ZNF804B: variants seen among roughly 807,000 people sequenced by gnomAD.
ZNF804B encodes zinc finger protein 804B.
A neutral mutation model predicts 101.4 loss-of-function variants in ZNF804B; 80 were observed. The observed-to-expected ratio is 0.79, with a 90% CI of 0.66 to 0.95. The LOEUF is 0.95. Among genes scored for constraint, ZNF804B ranks in the 40% least tolerant of loss-of-function variants. The pLI, the probability that ZNF804B is intolerant of heterozygous loss-of-function variation, is 0.00. For missense variants in ZNF804B, 1,673 were observed against 1,561.9 expected (o/e 1.07, Z -1.20); for synonymous variants, 622 against 558.8 (o/e 1.11, Z -1.59).
chr7:89,017,423 A>G (rs1369161290), intron 1 of ZNF804B, among the ~76,000 whole-genome samples: 1 of 152,218 alleles, frequency 6.6e-6, no homozygotes, highest in African/African-American at 2.4e-5. Flanking sequence ...CCAGTTTTCA[A>G]AGGGAATGCT....
intron 2 of ZNF804B, among the ~76,000 whole-genome samples, chr7:89,295,860 G>T (rs1790374090): frequency 6.6e-6 from 1 of 152,090 alleles, no homozygotes; most frequent in Admixed American, 6.6e-5. Context: ...CAGCAATGTG[G>T]ATGGAGCTGG....
At chr7:88,791,822 C>T (rs1790386552) in intron 1 of ZNF804B, among the ~76,000 whole-genome samples, 1 of 152,078 alleles carries the variant, frequency 6.6e-6, no homozygotes, top group Non-Finnish European at 1.5e-5. Context: ...TTCACCCAAA[C>T]CTTAGTGGTT....
At chr7:89,110,495 CAG>C (rs1790201050) in intron 1 of ZNF804B, among the ~76,000 whole-genome samples, 1 of 152,126 alleles carries the variant, frequency 6.6e-6, no homozygotes, top group South Asian at 2.1e-4. Context: ...TCAGCATGAA[CAG>C]AGTTAAGGAG....
At chr7:89,169,561 C>T in intron 1 of ZNF804B, among the ~76,000 whole-genome samples, 1 of 152,092 alleles carries the variant, frequency 6.6e-6, no homozygotes, top group East Asian at 1.9e-4. Context: ...TCCAGCTAGT[C>T]CTGTCTCTCA....
At chr7:89,159,146 G>A (rs1362775323) in intron 1 of ZNF804B, among the ~76,000 whole-genome samples, 1 of 152,000 alleles carries the variant, frequency 6.6e-6, no homozygotes, top group Non-Finnish European at 1.5e-5. Context: ...ATGATTCTTT[G>A]TACAAAAAAG....
In ZNF804B at chr7:89,138,893, A is replaced by C. The variant is rs13221676; in HGVS notation, c.109-79262A>C. Reference sequence around the variant, plus strand: ...CCATGATTGTGAGGCTTCCCCAGCCACATGGAACTATAAGTTTAATTAAAT... The same window carrying C: ...CCATGATTGTGAGGCTTCCCCAGCCCCATGGAACTATAAGTTTAATTAAAT... On this transcript the variant is annotated intron_variant, in intron 1 of 3. Coordinates refer to ENST00000333190, the MANE Select transcript of ZNF804B (RefSeq NM_181646.5). Among the ~76,000 whole-genome samples, 10 of 152,260 alleles carry C rather than the reference A, an allele frequency of 6.6e-5. No homozygotes were observed. The East Asian group carries it at 1.7e-3, about 27-fold the overall frequency.
At chr7:88,815,550 C>A (rs922154091) in intron 1 of ZNF804B, among the ~76,000 whole-genome samples, 8 of 151,850 alleles carry the variant, frequency 5.3e-5, no homozygotes, top group African/African-American at 1.9e-4. Flanking sequence ...GCTGTTCCTT[C>A]CCCCTTGTGG....
intron 1 of ZNF804B, among the ~76,000 whole-genome samples, chr7:89,001,126 T>C (rs1788281600): frequency 6.7e-6 from 1 of 148,364 alleles, no homozygotes; most frequent in Non-Finnish European, 1.5e-5. Context: ...AAGAACTCTA[T>C]TGTACAACAT....
chr7:89,198,189 A>C (rs1788583422), intron 1 of ZNF804B, among the ~76,000 whole-genome samples: 2 of 151,884 alleles, frequency 1.3e-5, no homozygotes, highest in Non-Finnish European at 2.9e-5. Context: ...TAAAATGGGG[A>C]TAGTTTATGG....
At chr7:89,241,453 C>A (rs527866595) in intron 2 of ZNF804B, among the ~76,000 whole-genome samples, 21 of 152,184 alleles carry the variant, frequency 1.4e-4, no homozygotes, top group African/African-American at 5.1e-4. Context: ...CAGAGTCTGT[C>A]TCACTAATTT....
intron 1 of ZNF804B, among the ~76,000 whole-genome samples, chr7:89,115,473 C>A (rs1337547533): frequency 6.6e-6 from 1 of 152,144 alleles, no homozygotes; most frequent in African/African-American, 2.4e-5. Context: ...GAGATTACAG[C>A]AGTATTGGGT....
intron 2 of ZNF804B, among the ~76,000 whole-genome samples, chr7:89,274,747 C>G (rs1257933503): frequency 6.6e-6 from 1 of 151,812 alleles, no homozygotes; most frequent in Non-Finnish European, 1.5e-5. Flanking sequence ...AACTCTTCCA[C>G]TTGCAGTTCT....
chr7:88,936,598 A>G (rs1195908817), intron 1 of ZNF804B, among the ~76,000 whole-genome samples: 1 of 152,118 alleles, frequency 6.6e-6, no homozygotes, highest in Admixed American at 6.6e-5. Flanking sequence ...TCTTTGGAAT[A>G]TGAGTGACAC....
chr7:89,221,597 T>C (rs1400876964), intron 2 of ZNF804B, among the ~76,000 whole-genome samples: 1 of 151,974 alleles, frequency 6.6e-6, no homozygotes, highest in Non-Finnish European at 1.5e-5. Flanking sequence ...CCGTGTACTC[T>C]GGAATCCTGC....
intron 2 of ZNF804B, among the ~76,000 whole-genome samples, chr7:89,225,017 A>G (rs1407060472): frequency 6.6e-6 from 1 of 152,068 alleles, no homozygotes; most frequent in Non-Finnish European, 1.5e-5. Flanking sequence ...GACACTGGCT[A>G]TAGCTGACTG....
chr7:88,918,956 A>G (rs1161368865), intron 1 of ZNF804B, among the ~76,000 whole-genome samples: 7 of 152,162 alleles, frequency 4.6e-5, no homozygotes, highest in African/African-American at 1.2e-4. Flanking sequence ...ACAAGAAAAA[A>G]GGATGATGGA....
intron 1 of ZNF804B, among the ~76,000 whole-genome samples, chr7:88,877,021 TATATAATATATA>T (rs1791954573): frequency 1.4e-5 from 1 of 73,958 alleles, no homozygotes; most frequent in African/African-American, 8.5e-5. Context: ...TATATATATA[TATATAATATATA>T]TATATATATA....
intron 1 of ZNF804B, among the ~76,000 whole-genome samples, chr7:88,783,941 ATACAT>A (rs1168551534): frequency 2.2e-4 from 34 of 152,208 alleles, no homozygotes; most frequent in East Asian, 1.2e-3. Context: ...TTTAATGAAT[ATACAT>A]TACAAGTTTC....
intron 1 of ZNF804B, among the ~76,000 whole-genome samples, chr7:89,160,618 G>A (rs930162598): frequency 3.9e-5 from 6 of 152,122 alleles, no homozygotes; most frequent in Non-Finnish European, 5.9e-5. Context: ...ATGTGAATGA[G>A]CAGACCAAAG....
Sources: allele counts gnomAD v4.1 joint callset (sites outside exome capture counted in the v4.1 genomes callset), GRCh38; gene constraint gnomAD v4.1.1; transcripts MANE v1.5; gene names NCBI Gene and HGNC (gene_info 2026-07-23, HGNC 2026-07-21).